Variants in NRXN3 observed in about 807,000 individuals in gnomAD.
NRXN3 encodes the protein neurexin 3, also known as neurexin III.
Under a neutral mutation model 137.6 loss-of-function variants are expected in NRXN3, and 32 were observed. That is an observed-to-expected ratio of 0.23 (90% confidence interval 0.18 to 0.31). The LOEUF is 0.31. NRXN3 is among the 10% of genes least tolerant of loss of function. The pLI, the probability that NRXN3 is intolerant of heterozygous loss-of-function variation, is 1.00. For synonymous variants in NRXN3, 798 were observed against 784.5 expected (o/e 1.02, Z -0.29); for missense variants, 1,574 against 2,062.5 (o/e 0.76, Z 4.59).
intron 6 of NRXN3, among the ~76,000 whole-genome samples, chr14:78,682,658 A>G (rs998042986): frequency 2.0e-5 from 3 of 147,388 alleles, no homozygotes; most frequent in Admixed American, 6.7e-5. Context: ...CAGTCCTCGC[A>G]GTAACTCTAG....
intron 16 of NRXN3, among the ~76,000 whole-genome samples, chr14:79,601,464 A>G (rs150577932): frequency 5.1e-4 from 78 of 152,304 alleles, no homozygotes; most frequent in African/African-American, 1.8e-3. Context: ...GCTCCTTGTC[A>G]TTTTGAGCAA....
chr14:79,608,859 G>A (rs1210380839), intron 16 of NRXN3, among the ~76,000 whole-genome samples: 1 of 151,980 alleles, frequency 6.6e-6, no homozygotes, highest in African/African-American at 2.4e-5. Flanking sequence ...AAAAAAAAGT[G>A]TTTATTGACG....
intron 8 of NRXN3, among the ~76,000 whole-genome samples, chr14:78,785,786 A>G (rs2098787518): frequency 1.3e-5 from 2 of 152,164 alleles, no homozygotes; most frequent in South Asian, 2.1e-4. Context: ...TCCTATTTCA[A>G]TGGTGGCCAT....
At chr14:78,662,116 T>C (rs1375860073) in intron 6 of NRXN3, among the ~76,000 whole-genome samples, 2 of 151,576 alleles carry the variant, frequency 1.3e-5, no homozygotes, top group Non-Finnish European at 2.9e-5. Context: ...AAGCGATCCA[T>C]CCACCTCGGC....
At chr14:78,173,860 C>T (rs190643529) in intron 1 of NRXN3, among the ~76,000 whole-genome samples, 6 of 151,816 alleles carry the variant, frequency 4.0e-5, no homozygotes, top group South Asian at 2.1e-4. Context: ...CATACACAGG[C>T]GCCAAGGGCT....
intron 16 of NRXN3, among the ~76,000 whole-genome samples, chr14:79,508,800 G>A (rs999838883): frequency 2.6e-5 from 4 of 152,016 alleles, no homozygotes; most frequent in Admixed American, 2.0e-4. Context: ...TCAATGTTTC[G>A]ACCATGACAT....
chr14:78,574,402 C>T (rs1248169564), intron 4 of NRXN3, among the ~76,000 whole-genome samples: 1 of 152,222 alleles, frequency 6.6e-6, no homozygotes, highest in East Asian at 1.9e-4. Context: ...GGACTCAATG[C>T]CAGCCAATGA....
intron 1 of NRXN3, among the ~76,000 whole-genome samples, chr14:78,227,020 G>C (rs2064762907): frequency 6.6e-6 from 1 of 152,210 alleles, no homozygotes; most frequent in Non-Finnish European, 1.5e-5. Context: ...TGTTGCAACT[G>C]ATGGGAAGGT....
intron 1 of NRXN3, among the ~76,000 whole-genome samples, chr14:78,206,474 ACT>A (rs1355683016): frequency 6.6e-6 from 1 of 152,004 alleles, no homozygotes; most frequent in African/African-American, 2.4e-5. Context: ...TGGGGAAGAA[ACT>A]CTCTCTTGTG....
At chr14:78,447,438 G>GAAGA (rs1176023806) in intron 4 of NRXN3, among the ~76,000 whole-genome samples, 3 of 152,234 alleles carry the variant, frequency 2.0e-5, no homozygotes, top group African/African-American at 7.2e-5. Flanking sequence ...TGCACTGGAG[G>GAAGA]AAGAAAGAAA....
At chr14:79,761,684 C>CAAAAAAA (rs10599873) in intron 19 of NRXN3, among the ~76,000 whole-genome samples, 2 of 78,896 alleles carry the variant, frequency 2.5e-5, no homozygotes, top group African/African-American at 5.3e-5. Context: ...GACTCTGTCT[C>CAAAAAAA]AAAAAAAAAA....
chr14:78,624,544 G>A (rs1237339060), intron 4 of NRXN3, among the ~76,000 whole-genome samples: 2 of 152,222 alleles, frequency 1.3e-5, no homozygotes, highest in South Asian at 2.1e-4. Flanking sequence ...TGCACAGTGG[G>A]AACATGCTCC....
intron 15 of NRXN3, among the ~76,000 whole-genome samples, chr14:79,256,823 A>G (rs775729953): frequency 1.3e-5 from 2 of 152,184 alleles, no homozygotes; most frequent in East Asian, 3.8e-4. Flanking sequence ...ACAATAAAAG[A>G]GTAGGCAGAC....
chr14:79,052,195 G>A (rs781351765), intron 15 of NRXN3, among the ~76,000 whole-genome samples: 2 of 152,128 alleles, frequency 1.3e-5, no homozygotes, highest in African/African-American at 2.4e-5. Context: ...AAGACGTTTC[G>A]AAGAGCTTGG....
chr14:78,396,249 T>C (rs2091444129), intron 4 of NRXN3, among the ~76,000 whole-genome samples: 1 of 152,124 alleles, frequency 6.6e-6, no homozygotes, highest in Admixed American at 6.6e-5. Context: ...TGGAAACCTT[T>C]ATGTAATCCT....
At chr14:79,137,403 C>A (rs559655462) in intron 15 of NRXN3, among the ~76,000 whole-genome samples, 4 of 152,160 alleles carry the variant, frequency 2.6e-5, no homozygotes, top group Non-Finnish European at 2.9e-5. Context: ...AAAAGTGATG[C>A]ACACTGCCCC....
intron 4 of NRXN3, among the ~76,000 whole-genome samples, chr14:78,387,539 T>C (rs1318714607): frequency 6.6e-6 from 1 of 152,226 alleles, no homozygotes; most frequent in African/African-American, 2.4e-5. Context: ...AAAGCATTGC[T>C]ACATGTGAAG....
chr14:78,937,049 C>T (rs925993559), intron 10 of NRXN3, among the ~76,000 whole-genome samples: 2 of 151,764 alleles, frequency 1.3e-5, no homozygotes, highest in Non-Finnish European at 2.9e-5. Context: ...AGTGAAACCC[C>T]GTCTTTACTA....
At chr14:79,123,854 G>A (rs182643316) in intron 15 of NRXN3, among the ~76,000 whole-genome samples, 90 of 152,244 alleles carry the variant, frequency 5.9e-4, no homozygotes, top group Middle Eastern at 3.4e-3. Context: ...ATTCCAGACA[G>A]CCAGAATGTT....
Sources: allele counts gnomAD v4.1 joint callset (sites outside exome capture counted in the v4.1 genomes callset), GRCh38; gene constraint gnomAD v4.1.1; transcripts MANE v1.5; gene names NCBI Gene and HGNC (gene_info 2026-07-23, HGNC 2026-07-21).